Variants in RAPGEF2 observed in about 807,000 individuals in gnomAD.
The protein encoded by RAPGEF2 is PDZ domain containing guanine nucleotide exchange factor (GEF) 1.
Under a neutral mutation model 186.7 loss-of-function variants are expected in RAPGEF2, and 54 were observed. The observed-to-expected ratio is 0.29, with a 90% CI of 0.23 to 0.36. The LOEUF (loss-of-function observed/expected upper bound fraction) is 0.36, where lower values mean the gene tolerates loss of function less well. Ranked by LOEUF, RAPGEF2 falls within the 10% of genes least tolerant of loss-of-function variation. The pLI is 1.00. For missense variants in RAPGEF2, 1,532 were observed against 2,045.0 expected, an observed-to-expected ratio of 0.75 and a Z score of 4.84; for synonymous variants, 712 against 705.9, an observed-to-expected ratio of 1.01 and a Z score of -0.14.
chr4:159,170,042 G>A (rs979399338), intron 1 of RAPGEF2, among the ~76,000 whole-genome samples: 1 of 150,238 alleles, frequency 6.7e-6, no homozygotes, highest in Non-Finnish European at 1.5e-5. Flanking sequence ...TCAACAGTGA[G>A]AATTTCTCTT....
At chr4:159,332,321 C>G in intron 16 of RAPGEF2, 130 bp from the exon 17 acceptor site, 1 of 950,846 alleles carries the variant, frequency 1.1e-6, no homozygotes, top group South Asian at 1.7e-5. Flanking sequence ...TACTGTTTTT[C>G]TGCAGGTTTG....
chr4:159,248,472 T>C (rs879886600), intron 7 of RAPGEF2, among the ~76,000 whole-genome samples: 4 of 152,202 alleles, frequency 2.6e-5, no homozygotes, highest in Admixed American at 2.0e-4. Context: ...GTTTACTAGT[T>C]CCTCTTTACC....
At chr4:159,249,274 A>T (rs1386242091) in intron 7 of RAPGEF2, among the ~76,000 whole-genome samples, 5 of 145,856 alleles carry the variant, frequency 3.4e-5, no homozygotes, top group East Asian at 2.0e-4. Flanking sequence ...TGCTGATTTT[A>T]AAAAAAGTCT....
intron 3 of RAPGEF2, among the ~76,000 whole-genome samples, chr4:159,203,113 T>C (rs1387098006): frequency 6.6e-6 from 1 of 152,216 alleles, no homozygotes; most frequent in African/African-American, 2.4e-5. Context: ...GGCCACCTCC[T>C]TAAATGAGAA....
chr4:159,193,305 AT>A, intron 3 of RAPGEF2, 49 bp downstream of exon 3: 1 of 1,231,928 alleles, frequency 8.1e-7, no homozygotes, highest in Non-Finnish European at 1.1e-6. Context: ...CAGTGACTAA[AT>A]TTTCTTAAAG....
At chr4:159,248,588 G>T (rs1344218100) in intron 7 of RAPGEF2, among the ~76,000 whole-genome samples, 1 of 152,156 alleles carries the variant, frequency 6.6e-6, no homozygotes, top group African/African-American at 2.4e-5. Context: ...GCAATTTCTG[G>T]CAAAATGCAG....
intron 7 of RAPGEF2, among the ~76,000 whole-genome samples, chr4:159,289,282 A>G (rs1760894623): frequency 6.6e-6 from 1 of 152,186 alleles, no homozygotes; most frequent in Non-Finnish European, 1.5e-5. Flanking sequence ...AACTTTATAT[A>G]TCTTCATCTG....
In RAPGEF2 at chr4:159,353,039, T is replaced by C; in HGVS notation, c.4091+129T>C. ...CTAAGAATTTTTCTGCCATCCCAGT[T>C]CTGATTTTCACAATTTCTACACTAA... On this transcript the variant is annotated intron_variant, in intron 27 of 29. Coordinates refer to ENST00000691494, the MANE Select transcript of RAPGEF2 (RefSeq NM_001394067.2). The surrounding 1 kb of genome is among the most constrained non-coding windows in gnomAD (Gnocchi z 4.3). 5.6e-6 allele frequency: 5 copies of C among 890,760 alleles called. No homozygotes were observed. Among genetic ancestry groups the C allele is most frequent in the Non-Finnish European group, 8.4e-6 (5 of 593,472 alleles). The allele number at this position is 890,760 out of a possible 1,614,324, so 55.2% of individuals were successfully genotyped here. A position where few individuals can be genotyped will look rare whatever the true frequency, so the allele number is the denominator to read the frequency against.
chr4:159,134,673 G>A (rs992437093), intron 1 of RAPGEF2, among the ~76,000 whole-genome samples: 1 of 152,138 alleles, frequency 6.6e-6, no homozygotes, highest in Admixed American at 6.5e-5. Context: ...CATCTTATGG[G>A]CATGTGATGG....
In RAPGEF2 at chr4:159,344,065, T is replaced by C. The variant is rs535670507; in HGVS notation, c.3278+6T>C. ...AAGAAATGGCGGAGTTTGGGGTAAGTGGTGGAGACCTTGCATACCCACACA... is the reference window on the plus strand; with the variant it reads ...AAGAAATGGCGGAGTTTGGGGTAAGCGGTGGAGACCTTGCATACCCACACA... On this transcript the variant is annotated splice_donor_region_variant and intron_variant, in intron 23 of 29. Coordinates refer to ENST00000691494, the MANE Select transcript of RAPGEF2 (RefSeq NM_001394067.2). 39 of 1,531,928 alleles carry C rather than the reference T, an allele frequency of 2.5e-5. No individual in the cohort carries two copies. Among genetic ancestry groups the C allele is most frequent in the Non-Finnish European group, 3.4e-5 (38 of 1,105,418 alleles). 94.9% of individuals were successfully genotyped at this position (1,531,928 alleles called of 1,614,324 possible).
chr4:159,337,278 A>G (rs1454168580), intron 17 of RAPGEF2, among the ~76,000 whole-genome samples: 1 of 152,198 alleles, frequency 6.6e-6, no homozygotes, highest in Non-Finnish European at 1.5e-5. Context: ...ATCAAGAAAT[A>G]ATGTCTGTGT....
chr4:159,204,526 C>G (rs768133230), intron 3 of RAPGEF2, among the ~76,000 whole-genome samples: 1 of 152,192 alleles, frequency 6.6e-6, no homozygotes, highest in Non-Finnish European at 1.5e-5. Context: ...GGGGATCATA[C>G]AGTTCTGATT....
At position 159,330,462 on chromosome 4, in the gene RAPGEF2, A is replaced by T; in HGVS notation, c.1431A>T (p.Leu477Phe). Residue 477 changes from leucine to phenylalanine, a missense_variant, in exon 13 of 30, where the codon TTA becomes TTT. Physicochemically the swap from Leu to Phe is conservative, Grantham distance 22 (BLOSUM62 0). This residue lies in a region of RAPGEF2 where 810 missense variants were observed against 1,210.5 expected (regional missense o/e 0.67). Coordinates refer to ENST00000691494, the MANE Select transcript of RAPGEF2 (RefSeq NM_001394067.2). ...GCCCAATGGAAGTGGGCAAAAAGTT[A>T]TTGGAGTGGTTTAATGACCCGAGCC... ...LSSPMEVGKKLLEWFNDPSLR... is the reference protein window; with the variant it reads ...LSSPMEVGKKFLEWFNDPSLR... 1 of 1,607,372 alleles carries T rather than the reference A, an allele frequency of 6.2e-7. No individual in the cohort carries two copies. The highest frequency in any genetic ancestry group is 8.5e-7 in the Non-Finnish European group (1 of 1,178,348).
chr4:159,125,162 C>T (rs1740147819), intron 1 of RAPGEF2, among the ~76,000 whole-genome samples: 1 of 152,162 alleles, frequency 6.6e-6, no homozygotes, highest in South Asian at 2.1e-4. Flanking sequence ...AGATACCACA[C>T]CCCAATACCT....
At chr4:159,215,149 C>T (rs1264649276) in intron 4 of RAPGEF2, among the ~76,000 whole-genome samples, 1 of 151,758 alleles carries the variant, frequency 6.6e-6, no homozygotes, top group Admixed American at 6.6e-5. Context: ...AGGTGTGAGC[C>T]ACTGCCAGTT....
chr4:159,238,958 T>A, intron 5 of RAPGEF2, 74 bp downstream of exon 5: 1 of 862,306 alleles, frequency 1.2e-6, no homozygotes, highest in Non-Finnish European at 1.6e-6. Flanking sequence ...ATAAACTGCT[T>A]ATAATATTAG....
At chr4:159,180,115 C>T (rs2111273017) in intron 1 of RAPGEF2, among the ~76,000 whole-genome samples, 1 of 152,254 alleles carries the variant, frequency 6.6e-6, no homozygotes, top group Non-Finnish European at 1.5e-5. Context: ...GTCCCGCTTG[C>T]TTTTAGGAAA....
At chr4:159,213,941 A>G (rs965492288) in intron 4 of RAPGEF2, among the ~76,000 whole-genome samples, 3 of 152,238 alleles carry the variant, frequency 2.0e-5, no homozygotes, top group African/African-American at 7.2e-5. Context: ...CTGTAATGCC[A>G]TGTATTTTAT....
intron 1 of RAPGEF2, among the ~76,000 whole-genome samples, chr4:159,183,077 T>A (rs1747192204): frequency 6.6e-6 from 1 of 152,080 alleles, no homozygotes; most frequent in Non-Finnish European, 1.5e-5. Context: ...ATCAAAAAAA[T>A]TAAGATTGAA....
Sources: gnomAD v4.1 joint callset for allele counts (sites outside exome capture counted in the v4.1 genomes callset) on GRCh38, gnomAD v4.1.1 for gene constraint, gnomAD v4.1.1 regional missense constraint, Gnocchi (gnomAD v3.1) non-coding constraint, MANE v1.5 for transcripts, NCBI Gene and HGNC (gene_info 2026-07-23, HGNC 2026-07-21) for gene names.